Variants in PXDNL observed in about 807,000 individuals in gnomAD.
PXDNL encodes the protein probable oxidoreductase PXDNL.
A neutral mutation model predicts 150.8 loss-of-function variants in PXDNL; 145 were observed. The observed-to-expected ratio is 0.96, with a 90% CI of 0.84 to 1.10. The LOEUF (loss-of-function observed/expected upper bound fraction) is 1.10, where lower values mean the gene tolerates loss of function less well. Ranked by LOEUF, PXDNL falls within the 50% of genes least tolerant of loss-of-function variation. The pLI, the probability that PXDNL is intolerant of heterozygous loss-of-function variation, is 0.00. For synonymous variants in PXDNL, 757 were observed against 725.7 expected, an observed-to-expected ratio of 1.04 and a Z score of -0.69; for missense variants, 2,087 against 1,873.9, an observed-to-expected ratio of 1.11 and a Z score of -2.10.
intron 3 of PXDNL, among the ~76,000 whole-genome samples, chr8:51,559,777 G>C (rs1306971376): frequency 6.6e-6 from 1 of 151,934 alleles, no homozygotes; most frequent in Non-Finnish European, 1.5e-5. Flanking sequence ...AAATGAGTGG[G>C]AGAAAGCACC....
intron 12 of PXDNL, among the ~76,000 whole-genome samples, chr8:51,430,640 G>A (rs1289136366): frequency 6.9e-6 from 1 of 144,942 alleles, no homozygotes; most frequent in Non-Finnish European, 1.5e-5. Flanking sequence ...TAGGGGCTGT[G>A]TCTCTCCAGT....
chr8:51,541,344 T>C (rs1246875854), intron 4 of PXDNL, among the ~76,000 whole-genome samples: 1 of 152,194 alleles, frequency 6.6e-6, no homozygotes, highest in East Asian at 1.9e-4. Context: ...CTTTTGTGCT[T>C]TATAAAGCAA....
chr8:51,621,448 CTGTGTGTGTGTGTG>C (rs10531050), intron 2 of PXDNL, among the ~76,000 whole-genome samples: 123 of 142,246 alleles, frequency 8.6e-4, no homozygotes, highest in African/African-American at 2.7e-3. Flanking sequence ...GTGTGTGTGT[CTGTGTGTGTGTGTG>C]TGTGTGTGTG....
chr8:51,342,393 CAT>C (rs1806013791), intron 20 of PXDNL, among the ~76,000 whole-genome samples: 1 of 151,726 alleles, frequency 6.6e-6, no homozygotes, highest in Non-Finnish European at 1.5e-5. Flanking sequence ...AAAGGTAGCA[CAT>C]GTTATTTTAG....
chr8:51,497,091 A>G (rs1811069222), intron 5 of PXDNL, among the ~76,000 whole-genome samples: 1 of 152,250 alleles, frequency 6.6e-6, no homozygotes, highest in African/African-American at 2.4e-5. Context: ...ACAGAGACAG[A>G]GACCTATGGA....
chr8:51,600,640 G>T (rs183964617), intron 2 of PXDNL, among the ~76,000 whole-genome samples: 904 of 87,356 alleles, frequency 0.01, 50 homozygotes, highest in African/African-American at 0.044. Context: ...AAATTATATA[G>T]TTAGATAATA....
chr8:51,327,960 G>C (rs922674960), intron 21 of PXDNL, among the ~76,000 whole-genome samples: 3 of 152,254 alleles, frequency 2.0e-5, no homozygotes, highest in Admixed American at 6.5e-5. Context: ...ATACTGGTGG[G>C]AACACCCTGA....
At chr8:51,604,337 ATG>A (rs1231478130) in intron 2 of PXDNL, among the ~76,000 whole-genome samples, 53 of 151,658 alleles carry the variant, frequency 3.5e-4, no homozygotes, top group African/African-American at 1.3e-3. Flanking sequence ...TGATGAGTTC[ATG>A]TCCTTTGTAG....
intron 4 of PXDNL, among the ~76,000 whole-genome samples, chr8:51,522,615 G>A (rs1298390584): frequency 1.3e-5 from 2 of 152,120 alleles, no homozygotes; most frequent in African/African-American, 4.8e-5. Flanking sequence ...GGGCCGAAGT[G>A]GGTGGATCAC....
At chr8:51,678,469 G>A (rs143711305) in intron 1 of PXDNL, among the ~76,000 whole-genome samples, 4,885 of 151,642 alleles carry the variant, frequency 0.032, 276 homozygotes, top group African/African-American at 0.11. Context: ...AACCAACCCA[G>A]ATGTCCAACA....
chr8:51,593,262 G>T (rs1029355396), intron 2 of PXDNL, among the ~76,000 whole-genome samples: 1 of 152,078 alleles, frequency 6.6e-6, no homozygotes, highest in African/African-American at 2.4e-5. Flanking sequence ...GAAATAAATC[G>T]AATTTGAACC....
intron 4 of PXDNL, among the ~76,000 whole-genome samples, chr8:51,555,686 C>G (rs1395543472): frequency 6.6e-6 from 1 of 152,174 alleles, no homozygotes; most frequent in African/African-American, 2.4e-5. Context: ...TACTTAAAAA[C>G]AGTCTGCATT....
At chr8:51,643,445 T>G (rs1490229760) in intron 2 of PXDNL, among the ~76,000 whole-genome samples, 12 of 152,196 alleles carry the variant, frequency 7.9e-5, no homozygotes, top group South Asian at 2.1e-4. Context: ...AATGGGGAAA[T>G]GATTCCCTAT....
chr8:51,611,146 C>A (rs980782777), intron 2 of PXDNL, among the ~76,000 whole-genome samples: 2 of 152,000 alleles, frequency 1.3e-5, no homozygotes, highest in African/African-American at 4.8e-5. Flanking sequence ...GATTGCTTGG[C>A]TTTATTTGTA....
chr8:51,611,873 G>A (rs1023075301), intron 2 of PXDNL, among the ~76,000 whole-genome samples: 5 of 152,192 alleles, frequency 3.3e-5, no homozygotes, highest in African/African-American at 1.2e-4. Flanking sequence ...TAGGAGGAGC[G>A]AGGCCAGGAG....
chr8:51,642,214 A>G (rs1378844426), intron 2 of PXDNL, among the ~76,000 whole-genome samples: 5 of 128,548 alleles, frequency 3.9e-5, no homozygotes, highest in African/African-American at 7.8e-5. Flanking sequence ...TGTGGGGTGG[A>G]GGGAGGGGGG....
At chr8:51,404,372 T>C (rs549679936) in intron 17 of PXDNL, among the ~76,000 whole-genome samples, 1,834 of 147,294 alleles carry the variant, frequency 0.012, 94 homozygotes, top group African/African-American at 0.048. Flanking sequence ...TTGGTGTGTT[T>C]ACAATCCCTG....
chr8:51,556,406 AG>A (rs1441791706), intron 4 of PXDNL, among the ~76,000 whole-genome samples: 10 of 152,188 alleles, frequency 6.6e-5, no homozygotes, highest in African/African-American at 2.4e-4. Context: ...GTCAGTTAAA[AG>A]CTTGAACTTG....
At chr8:51,593,334 T>A (rs1813489347) in intron 2 of PXDNL, among the ~76,000 whole-genome samples, 1 of 152,152 alleles carries the variant, frequency 6.6e-6, no homozygotes, top group African/African-American at 2.4e-5. Flanking sequence ...AAAAGCACCC[T>A]GGCAAATGAA....
Sources: allele counts gnomAD v4.1 joint callset (sites outside exome capture counted in the v4.1 genomes callset), GRCh38; gene constraint gnomAD v4.1.1; transcripts MANE v1.5; gene names NCBI Gene and HGNC (gene_info 2026-07-23, HGNC 2026-07-21).